Variants in BCL11B observed in about 807,000 individuals in gnomAD.
The protein encoded by BCL11B is B-cell lymphoma/leukemia 11B.
A neutral mutation model predicts 49.9 loss-of-function variants in BCL11B; 8 were observed. The ratio of observed to expected loss-of-function variants is 0.16; its 90% confidence interval spans 0.09 to 0.29. The LOEUF (loss-of-function observed/expected upper bound fraction) is 0.29. BCL11B is among the 10% of genes least tolerant of loss of function. The probability of loss-of-function intolerance (pLI) is 1.00; values close to 1 mark genes in which losing one functional copy is unlikely to be tolerated. For missense variants in BCL11B, 1,006 were observed against 1,351.0 expected (o/e 0.74, Z 4.00); for synonymous variants, 739 against 637.4 (o/e 1.16, Z -2.40).
chr14:99,187,549 G>A (rs777966144), intron 3 of BCL11B, among the ~76,000 whole-genome samples: 1 of 151,592 alleles, frequency 6.6e-6, no homozygotes, highest in African/African-American at 2.4e-5. Context: ...TTTCTGAAAG[G>A]ATTCTAGAAC....
At chr14:99,187,568 C>A (rs953519882) in intron 3 of BCL11B, among the ~76,000 whole-genome samples, 2 of 148,824 alleles carry the variant, frequency 1.3e-5, no homozygotes, top group Admixed American at 6.8e-5. Context: ...ACTCTGGGGA[C>A]AGGAATTTTG....
chr14:99,216,579 G>A (rs964338079), intron 3 of BCL11B, among the ~76,000 whole-genome samples: 4 of 152,166 alleles, frequency 2.6e-5, no homozygotes, highest in Admixed American at 1.3e-4. Context: ...CCCCCAGGAG[G>A]TACTAAGAAG....
intron 3 of BCL11B, among the ~76,000 whole-genome samples, chr14:99,229,747 T>C (rs1888274041): frequency 6.6e-6 from 1 of 152,014 alleles, no homozygotes; most frequent in Non-Finnish European, 1.5e-5. Context: ...CGTCCAGTAA[T>C]AAACACTCAG....
At chr14:99,178,084 G>A (rs1292045625) in intron 3 of BCL11B, among the ~76,000 whole-genome samples, 6 of 152,028 alleles carry the variant, frequency 3.9e-5, no homozygotes, top group Admixed American at 6.5e-5. Flanking sequence ...CGTGCTGTCC[G>A]AGGGGCAGGG....
At chr14:99,196,693 C>T (rs963674643) in intron 3 of BCL11B, among the ~76,000 whole-genome samples, 1 of 152,344 alleles carries the variant, frequency 6.6e-6, no homozygotes, top group Admixed American at 6.5e-5. Context: ...AGATGTTTGT[C>T]CACCATCAGA....
In BCL11B at chr14:99,242,519, C is replaced by T. The variant is rs1205783946; in HGVS notation, c.428-10962G>A. Among the ~76,000 whole-genome samples the T allele has an allele frequency of 1.3e-5, 2 of 152,152 alleles. No homozygotes were observed. The highest frequency in any genetic ancestry group is 2.9e-5 in the Non-Finnish European group (2 of 68,032). ...ACCATCGCAGACTCCAGGTATCTGC[C>T]GTTCCCCACTCCAGCCCCAGTGCCA... On this transcript the variant is annotated intron_variant, in intron 2 of 3. Coordinates refer to ENST00000357195, the MANE Select transcript of BCL11B (RefSeq NM_138576.4). This position sits in a 1 kb window ranked among gnomAD's most constrained non-coding sequence, Gnocchi z 4.4.
chr14:99,272,135 T>C lies in BCL11B; in HGVS notation c.-917A>G, dbSNP rs1889708188. Among the ~76,000 whole-genome samples, 1 of 151,934 alleles carries C rather than the reference T, an allele frequency of 6.6e-6. No individual in the cohort carries two copies. On this transcript the variant is annotated 5_prime_UTR_variant, in exon 1 of 4. Coordinates refer to ENST00000357195, the MANE Select transcript of BCL11B (RefSeq NM_138576.4). This position sits in a 1 kb window ranked among gnomAD's most constrained non-coding sequence, Gnocchi z 6.0. Reference sequence around the variant, plus strand: ...CGGTGCGGGCGCAGACTGGGAGCTATAGATTGCAACGTGAAGATGGCGGAG... The same window carrying C: ...CGGTGCGGGCGCAGACTGGGAGCTACAGATTGCAACGTGAAGATGGCGGAG...
At chr14:99,261,565 C>CCCTA (rs1889338702) in intron 1 of BCL11B, among the ~76,000 whole-genome samples, 1 of 152,148 alleles carries the variant, frequency 6.6e-6, no homozygotes, top group African/African-American at 2.4e-5. Context: ...AATTCCCAGA[C>CCCTA]CCTACAGGCC....
At chr14:99,185,969 G>C (rs1886841138) in intron 3 of BCL11B, among the ~76,000 whole-genome samples, 1 of 152,202 alleles carries the variant, frequency 6.6e-6, no homozygotes, top group African/African-American at 2.4e-5. Context: ...CTTCACAGAT[G>C]CACGATGTGT....
intron 3 of BCL11B, among the ~76,000 whole-genome samples, chr14:99,182,817 A>C (rs1886746487): frequency 6.6e-6 from 1 of 152,210 alleles, no homozygotes; most frequent in Admixed American, 6.5e-5. Flanking sequence ...CCCAGGCTCC[A>C]GGCAGTCATT....
chr14:99,172,828 C>T lies in BCL11B; in HGVS notation c.*1323G>A, dbSNP rs957033214. The T allele has an allele frequency of 4.5e-6, 1 of 222,338 alleles. No individual in the cohort carries two copies. The highest frequency in any genetic ancestry group is 5.8e-5 in the Admixed American group (1 of 17,358). 13.8% of individuals were successfully genotyped at this position (222,338 alleles called of 1,614,324 possible). ...TTAACAGTTCAATATTTAGTACCTT[C>T]CAACCTAATGAGATAGGAAAAAAAA... On this transcript the variant is annotated 3_prime_UTR_variant, in exon 4 of 4. Coordinates refer to ENST00000357195, the MANE Select transcript of BCL11B (RefSeq NM_138576.4).
chr14:99,175,522 G>A lies in BCL11B; in HGVS notation c.1314C>T (p.Phe438=). 3 of 1,607,574 alleles carry A rather than the reference G, an allele frequency of 1.9e-6. No homozygotes were observed. The highest frequency in any genetic ancestry group is 4.5e-5 in the East Asian group (2 of 44,410). ...SCEFCGKTFK[F]QSNLIVHRRS... ...GCCGGTGCACGATGAGATTGCTCTG[G>A]AACTTGAAGGTCTTGCCGCAGAACT... The change falls in exon 4 of 4, where the codon TTC becomes TTT. Residue 438 remains phenylalanine (F), a synonymous_variant. Coordinates refer to ENST00000357195, the MANE Select transcript of BCL11B (RefSeq NM_138576.4).
chr14:99,244,054 G>T (rs573072790), intron 2 of BCL11B, among the ~76,000 whole-genome samples: 1 of 151,594 alleles, frequency 6.6e-6, no homozygotes, highest in Admixed American at 6.6e-5. Flanking sequence ...CTGCAAAGAC[G>T]CCAGAGCACC....
rs761562840 is a variant in BCL11B at position 99,175,114 on chromosome 14, G to A, written c.1722C>T (p.Pro574=). 14 of 1,592,730 alleles carry A rather than the reference G, an allele frequency of 8.8e-6. No individual in the cohort carries two copies. Among genetic ancestry groups the A allele is most frequent in the African/African-American group, 6.7e-5 (5 of 74,510 alleles). The change falls in exon 4 of 4, where the codon CCC becomes CCT. Residue 574 remains proline, a synonymous_variant. Transcript: ENST00000357195. ...CGCCGCCCCCCGCGCCCGGGACCCCGGGCACCCCACCACCGCCGTTCTCGC... is the reference window on the plus strand; with the variant it reads ...CGCCGCCCCCCGCGCCCGGGACCCCAGGCACCCCACCACCGCCGTTCTCGC... ...RNRENGGGGV[P]GVPGAGGGAA...
At chr14:99,271,084 T>C in intron 1 of BCL11B, 77 bp downstream of exon 1, 3 of 1,415,830 alleles carry the variant, frequency 2.1e-6, no homozygotes, top group African/African-American at 3.0e-5. Context: ...GCTCGGCTGT[T>C]CCGGGCTCGG....
chr14:99,224,395 A>T (rs1329286520), intron 3 of BCL11B, among the ~76,000 whole-genome samples: 3 of 152,156 alleles, frequency 2.0e-5, no homozygotes, highest in African/African-American at 7.2e-5. Context: ...TACAACGATG[A>T]GATGTCATGC....
Position 99,222,261 on chromosome 14 carries a change from GAA to G in BCL11B, c.640+9082_640+9083del, listed in dbSNP as rs11290061. ...TTATTTCTTTCGCTCCCCAGTGGGG[GAA>G]AAAAAATGGATTCCACTGTCCTGTG... On this transcript the variant is annotated intron_variant, in intron 3 of 3. Transcript: ENST00000357195. Among the ~76,000 whole-genome samples the G allele has an allele frequency of 1.1e-3, 160 of 151,872 alleles. 1 individual carries two copies. Among genetic ancestry groups the G allele is most frequent in the Non-Finnish European group, 2.0e-3 (136 of 67,932 alleles).
chr14:99,207,499 G>A (rs1431898339), intron 3 of BCL11B, among the ~76,000 whole-genome samples: 1 of 152,178 alleles, frequency 6.6e-6, no homozygotes, highest in African/African-American at 2.4e-5. Context: ...TGTTTCTGGT[G>A]GGCAAGAGGG....
chr14:99,221,484 G>A (rs1888006957), intron 3 of BCL11B, among the ~76,000 whole-genome samples: 1 of 152,188 alleles, frequency 6.6e-6, no homozygotes, highest in African/African-American at 2.4e-5. Context: ...AATTACCCGG[G>A]GCTCAGGCTG....
Sources: allele counts gnomAD v4.1 joint callset (sites outside exome capture counted in the v4.1 genomes callset), GRCh38; gene constraint gnomAD v4.1.1; non-coding constraint Gnocchi (gnomAD v3.1); transcripts MANE v1.5; gene names NCBI Gene and HGNC (gene_info 2026-07-23, HGNC 2026-07-21).